The following KSR2 variants were observed in gnomAD, a reference collection of about 807,000 sequenced individuals.
KSR2 encodes kinase suppressor of ras 2.
Under a neutral mutation model 107.8 loss-of-function variants are expected in KSR2, and 25 were observed. The observed-to-expected ratio is 0.23, with a 90% CI of 0.17 to 0.32. The LOEUF is 0.32. KSR2 is among the 10% of genes least tolerant of loss of function. The probability of loss-of-function intolerance (pLI) is 1.00; values close to 1 mark genes in which losing one functional copy is unlikely to be tolerated. For synonymous variants in KSR2, 480 were observed against 507.0 expected, an observed-to-expected ratio of 0.95 and a Z score of 0.71; for missense variants, 887 against 1,268.9, an observed-to-expected ratio of 0.70 and a Z score of 4.57.
At chr12:117,930,917 AAAAC>A (rs1434793673) in intron 1 of KSR2, among the ~76,000 whole-genome samples, 1 of 152,178 alleles carries the variant, frequency 6.6e-6, no homozygotes, top group Non-Finnish European at 1.5e-5. Context: ...CTGTTTCAAG[AAAAC>A]AAACAAACAA....
At chr12:117,467,536 T>C (rs1278301579) in intron 19 of KSR2, among the ~76,000 whole-genome samples, 1 of 152,258 alleles carries the variant, frequency 6.6e-6, no homozygotes, top group Non-Finnish European at 1.5e-5. Context: ...TTAAGTGTTT[T>C]GCCAAAGGGC....
rs538635702 is a variant in KSR2 at position 117,875,505 on chromosome 12, G to C, written c.181-15074C>G. On this transcript the variant is annotated intron_variant, in intron 1 of 19. Transcript: ENST00000339824. ...GGCTCTCAGCCCATTTTACACACGA[G>C]AAAACTGAGGCTCAGTAATGGAACA... 2.0e-5 allele frequency among the ~76,000 whole-genome samples: 3 copies of C among 152,154 alleles called. No homozygotes were observed. In the East Asian group the frequency reaches 5.8e-4, roughly 29 times the overall value.
intron 5 of KSR2, among the ~76,000 whole-genome samples, chr12:117,648,418 C>T (rs1345591791): frequency 6.6e-6 from 1 of 152,210 alleles, no homozygotes; most frequent in African/African-American, 2.4e-5. Context: ...TCTGGATTCA[C>T]TGAGTAACCA....
chr12:117,586,761 A>G (rs1475185735), intron 5 of KSR2, among the ~76,000 whole-genome samples: 1 of 152,196 alleles, frequency 6.6e-6, no homozygotes, highest in Non-Finnish European at 1.5e-5. Context: ...CAAACACTAC[A>G]GAGTATACAC....
chr12:117,627,570 A>G (rs900302619), intron 5 of KSR2, among the ~76,000 whole-genome samples: 1 of 152,134 alleles, frequency 6.6e-6, no homozygotes, highest in African/African-American at 2.4e-5. Context: ...TGAGAGATCC[A>G]CTGTTAGTCT....
intron 1 of KSR2, among the ~76,000 whole-genome samples, chr12:117,866,036 CTCTT>C (rs1357963015): frequency 1.9e-5 from 2 of 104,746 alleles, no homozygotes; most frequent in African/African-American, 1.0e-4. Flanking sequence ...GCTAATCTCT[CTCTT>C]TTTTTTTTTT....
At chr12:117,963,848 T>G (rs1194857237) in intron 1 of KSR2, among the ~76,000 whole-genome samples, 1 of 152,162 alleles carries the variant, frequency 6.6e-6, no homozygotes, top group Non-Finnish European at 1.5e-5. Flanking sequence ...TCTGGTTTGT[T>G]GTTCTTGTCC....
rs1486465073 is a variant in KSR2 at position 117,465,511 on chromosome 12, G to A, written c.*1688C>T. 6.6e-6 allele frequency: 1 copy of A among 152,206 alleles called. No homozygotes were observed. Among genetic ancestry groups the A allele is most frequent in the Admixed American group, 6.5e-5 (1 of 15,274 alleles). The allele number at this position is 152,206 out of a possible 1,614,324, so 9.4% of individuals were successfully genotyped here. A position where few individuals can be genotyped will look rare whatever the true frequency, so the allele number is the denominator to read the frequency against. ...ATGACTGATCTCACCATTCTTCCCG[G>A]TTTGGAAGCAGGTTTGGCCCCCAGA... On this transcript the variant is annotated 3_prime_UTR_variant, in exon 20 of 20. Transcript: ENST00000339824.
chr12:117,799,395 A>G (rs972148457), intron 3 of KSR2, among the ~76,000 whole-genome samples: 54 of 151,984 alleles, frequency 3.6e-4, no homozygotes, highest in African/African-American at 1.1e-3. Context: ...CCAGCTACTC[A>G]GGAGGCTGAG....
chr12:117,688,566 C>A (rs187567162), intron 4 of KSR2, among the ~76,000 whole-genome samples: 1 of 152,272 alleles, frequency 6.6e-6, no homozygotes, highest in Admixed American at 6.5e-5. Flanking sequence ...AGCCAGTGTC[C>A]AATTGGCAGG....
At chr12:117,923,612 C>A (rs1003613414) in intron 1 of KSR2, among the ~76,000 whole-genome samples, 2 of 152,054 alleles carry the variant, frequency 1.3e-5, no homozygotes, top group Non-Finnish European at 2.9e-5. Flanking sequence ...ATACAGCGAG[C>A]TATGATCACA....
intron 4 of KSR2, among the ~76,000 whole-genome samples, chr12:117,746,602 A>G (rs554564107): frequency 6.6e-6 from 1 of 152,302 alleles, no homozygotes; most frequent in East Asian, 1.9e-4. Context: ...TAAACTAAAG[A>G]GCTTCTGCAC....
intron 3 of KSR2, among the ~76,000 whole-genome samples, chr12:117,841,430 G>A (rs1380079993): frequency 6.6e-6 from 1 of 152,152 alleles, no homozygotes; most frequent in Non-Finnish European, 1.5e-5. Context: ...AACTGGGCGT[G>A]CAGCCTAATC....
Position 117,897,921 on chromosome 12 carries a change from C to CTG in KSR2, c.181-37492_181-37491dup, listed in dbSNP as rs377439195. Reference sequence around the variant, plus strand: ...GTTGGCAGTCTATTGTACACACCGTCTGTGTGTGTGTCTGTGTGCACTCAT... The same window carrying CTG: ...GTTGGCAGTCTATTGTACACACCGTCTGTGTGTGTGTGTCTGTGTGCACTCAT... On this transcript the variant is annotated intron_variant, in intron 1 of 19. Transcript: ENST00000339824. The surrounding 1 kb of genome is among the most constrained non-coding windows in gnomAD (Gnocchi z 4.5). 6.6e-6 allele frequency among the ~76,000 whole-genome samples: 1 copy of CTG among 151,624 alleles called. No homozygotes were observed. The highest frequency in any genetic ancestry group is 2.1e-4 in the South Asian group (1 of 4,764).
chr12:117,557,411 T>C (rs1465922893), intron 8 of KSR2, among the ~76,000 whole-genome samples: 1 of 152,146 alleles, frequency 6.6e-6, no homozygotes, highest in East Asian at 1.9e-4. Context: ...TCTAGAGCAG[T>C]GCTTCTCAAC....
At chr12:117,740,922 G>A (rs1408749509) in intron 4 of KSR2, among the ~76,000 whole-genome samples, 1 of 152,072 alleles carries the variant, frequency 6.6e-6, no homozygotes, top group Non-Finnish European at 1.5e-5. Flanking sequence ...AGGCCCTCAC[G>A]GCAGATCTTC....
chr12:117,830,399 C>T (rs1891915705), intron 3 of KSR2, among the ~76,000 whole-genome samples: 1 of 152,094 alleles, frequency 6.6e-6, no homozygotes, highest in Non-Finnish European at 1.5e-5. Flanking sequence ...CTATTAAGCG[C>T]TACGCTCACT....
chr12:117,672,589 T>C (rs1593115779), intron 4 of KSR2, among the ~76,000 whole-genome samples: 1 of 152,168 alleles, frequency 6.6e-6, no homozygotes. Context: ...GAAGCCAACA[T>C]TGAAGCCAAG....
At chr12:117,643,355 G>A (rs1396861218) in intron 5 of KSR2, among the ~76,000 whole-genome samples, 1 of 152,132 alleles carries the variant, frequency 6.6e-6, no homozygotes, top group African/African-American at 2.4e-5. Context: ...GGTGAGACAG[G>A]AGAATCGCTT....
Sources: gnomAD v4.1 joint callset for allele counts (sites outside exome capture counted in the v4.1 genomes callset) on GRCh38, gnomAD v4.1.1 for gene constraint, Gnocchi (gnomAD v3.1) non-coding constraint, MANE v1.5 for transcripts, NCBI Gene and HGNC (gene_info 2026-07-23, HGNC 2026-07-21) for gene names.